The following PAPOLA variants were observed in gnomAD, a reference collection of about 807,000 sequenced individuals.
PAPOLA encodes polynucleotide adenylyltransferase alpha.
PAPOLA carries 15 observed loss-of-function variants against 100.6 expected under a neutral mutation model. The observed-to-expected ratio is 0.15, with a 90% CI of 0.10 to 0.23. The LOEUF (loss-of-function observed/expected upper bound fraction) is 0.23. Ranked by LOEUF, PAPOLA falls within the 10% of genes least tolerant of loss-of-function variation. The pLI is 1.00. For synonymous variants in PAPOLA, 293 were observed against 300.0 expected (o/e 0.98, Z 0.24); for missense variants, 533 against 884.2 (o/e 0.60, Z 5.04).
At chr14:96,560,355 C>A in intron 19 of PAPOLA, 10 of 195,966 alleles carry the variant, frequency 5.1e-5, no homozygotes, top group Non-Finnish European at 7.0e-5. Flanking sequence ...TTTTTTTTTT[C>A]TTTTCCTTAC....
Position 96,556,243 on chromosome 14 carries a change from G to T in PAPOLA, c.1834G>T (p.Val612Phe), listed in dbSNP as rs1901314674. 6 of 1,613,744 alleles carry T rather than the reference G, an allele frequency of 3.7e-6. No individual in the cohort carries two copies. Among genetic ancestry groups the T allele is most frequent in the Middle Eastern group, 1.6e-4 (1 of 6,084 alleles). The change falls in exon 19 of 22, where the codon GTC (valine) becomes TTC (phenylalanine). Residue 612 changes from valine to phenylalanine, a missense_variant. Val to Phe is a conservative substitution (Grantham distance 50). Transcript: ENST00000216277. ...CATTTCTCCACCACCAAAGCCTACG[G>T]TCTCCAGAGTTGTTTCTTCAACACG... ...PAISPPPKPT[V>F]SRVVSSTRLV... is the part of the protein sequence containing the mutation.
chr14:96,514,452 A>T (rs990738103), intron 1 of PAPOLA, among the ~76,000 whole-genome samples: 1 of 151,996 alleles, frequency 6.6e-6, no homozygotes, highest in Non-Finnish European at 1.5e-5. Flanking sequence ...AAGTGCTGGG[A>T]TTGCAGGCGT....
intron 1 of PAPOLA, among the ~76,000 whole-genome samples, chr14:96,519,215 C>T (rs1457471321): frequency 2.0e-5 from 3 of 151,862 alleles, no homozygotes. Context: ...GGGGTGAGCC[C>T]ACACCTGGCC....
At chr14:96,539,025 G>A (rs2140298022) in intron 12 of PAPOLA, among the ~76,000 whole-genome samples, 1 of 152,132 alleles carries the variant, frequency 6.6e-6, no homozygotes, top group South Asian at 2.1e-4. Flanking sequence ...ACTTATCAGT[G>A]TTCCTCAAGA....
intron 1 of PAPOLA, among the ~76,000 whole-genome samples, chr14:96,505,927 C>T (rs1462049059): frequency 6.6e-6 from 1 of 152,004 alleles, no homozygotes. Flanking sequence ...CCGTTCTTGA[C>T]GGAGTCTTGC....
chr14:96,520,600 C>G (rs1247288901), intron 2 of PAPOLA, among the ~76,000 whole-genome samples: 1 of 152,130 alleles, frequency 6.6e-6, no homozygotes, highest in Non-Finnish European at 1.5e-5. Flanking sequence ...TGGTCTCGAA[C>G]TCCTGAGCCT....
At chr14:96,534,801 A>C (rs1313984759) in intron 10 of PAPOLA, 2 of 1,271,936 alleles carry the variant, frequency 1.6e-6, no homozygotes, top group Non-Finnish European at 2.0e-6. Flanking sequence ...AGATTTTACT[A>C]ACATTTTAAT....
At chr14:96,531,944 T>C (rs1364312716) in intron 7 of PAPOLA, 4 of 1,272,732 alleles carry the variant, frequency 3.1e-6, no homozygotes, top group African/African-American at 1.5e-5. Flanking sequence ...AAGGACTACT[T>C]TGGTACAATT....
At chr14:96,553,177 C>G (rs940029671) in intron 17 of PAPOLA, 6 of 152,466 alleles carry the variant, frequency 3.9e-5, no homozygotes, top group African/African-American at 1.2e-4. Flanking sequence ...TTCTGAGTAG[C>G]TGAGACTACA....
chr14:96,561,829 T>G (rs1230598294), intron 20 of PAPOLA, among the ~76,000 whole-genome samples: 3 of 103,002 alleles, frequency 2.9e-5, no homozygotes, highest in Non-Finnish European at 6.6e-5. Context: ...CAATATTTCG[T>G]TTTTTTTTTT....
chr14:96,544,189 A>G lies in PAPOLA; in HGVS notation c.1330A>G (p.Lys444Glu). 1 of 1,608,784 alleles carries G rather than the reference A, an allele frequency of 6.2e-7. No individual in the cohort carries two copies. The highest frequency in any genetic ancestry group is 8.5e-7 in the Non-Finnish European group (1 of 1,175,354). Reference sequence around the variant, plus strand: ...GATGTGGGTGATTGGGTTAGTGTTTAAAAAAACAGAAAACTCTGAAAACCT... The same window carrying G: ...GATGTGGGTGATTGGGTTAGTGTTTGAAAAAACAGAAAACTCTGAAAACCT... ...RTMWVIGLVF[K>E]KTENSENLSV... Residue 444 changes from lysine to glutamate, a missense_variant, in exon 15 of 22, where the codon AAA becomes GAA. Physicochemically the swap from Lys to Glu is moderately conservative, Grantham distance 56. This residue lies in a region of PAPOLA where 19 missense variants were observed against 18.7 expected (regional missense o/e 1.01). Transcript: ENST00000216277.
At chr14:96,523,816 G>T (rs538663747) in intron 3 of PAPOLA, among the ~76,000 whole-genome samples, 5 of 152,128 alleles carry the variant, frequency 3.3e-5, no homozygotes, top group African/African-American at 1.2e-4. Flanking sequence ...GGTAGTGCGC[G>T]CCTGTAATCC....
At chr14:96,509,714 C>T (rs1896975837) in intron 1 of PAPOLA, among the ~76,000 whole-genome samples, 1 of 152,136 alleles carries the variant, frequency 6.6e-6, no homozygotes, top group Non-Finnish European at 1.5e-5. Flanking sequence ...ACTGTAGGCA[C>T]TTGTAACACA....
intron 1 of PAPOLA, among the ~76,000 whole-genome samples, chr14:96,515,581 ATAGAG>A (rs1566835859): frequency 6.6e-6 from 1 of 152,346 alleles, no homozygotes; most frequent in Non-Finnish European, 1.5e-5. Flanking sequence ...TTGTATTTTT[ATAGAG>A]TAGAGAGCTT....
intron 1 of PAPOLA, among the ~76,000 whole-genome samples, chr14:96,511,731 T>A (rs1430816856): frequency 1.3e-5 from 2 of 152,250 alleles, no homozygotes; most frequent in Non-Finnish European, 2.9e-5. Flanking sequence ...TATTTAGGAA[T>A]TTGGTACATT....
In PAPOLA at chr14:96,531,528, T is replaced by G. The variant is rs1225937629; in HGVS notation, c.549T>G (p.Asp183Glu). 1 of 1,610,750 alleles carries G rather than the reference T, an allele frequency of 6.2e-7. No individual in the cohort carries two copies. The highest frequency in any genetic ancestry group is 1.1e-5 in the South Asian group (1 of 90,742). ...TGCAGACAATTCCTGAAGATTTGGA[T>G]CTACGAGATGACAGTCTGCTAAAAA... ...LALQTIPEDL[D>E]LRDDSLLKNL... The change falls in exon 7 of 22, where the codon GAT (aspartate) becomes GAG (glutamate). Residue 183 changes from aspartate (D) to glutamate (E), a missense_variant. By Grantham distance (45) the Asp-to-Glu change is conservative (BLOSUM62 2). Coordinates refer to ENST00000216277, the MANE Select transcript of PAPOLA (RefSeq NM_032632.5).
intron 12 of PAPOLA, among the ~76,000 whole-genome samples, chr14:96,538,886 A>G (rs904594429): frequency 6.6e-6 from 1 of 152,074 alleles, no homozygotes; most frequent in Non-Finnish European, 1.5e-5. Flanking sequence ...GCATATCATG[A>G]AATACTGTCA....
chr14:96,551,250 C>T (rs1214682610), intron 16 of PAPOLA, among the ~76,000 whole-genome samples: 1 of 152,114 alleles, frequency 6.6e-6, no homozygotes, highest in African/African-American at 2.4e-5. Flanking sequence ...AGCTGTTTGG[C>T]CACTTAGTGA....
chr14:96,527,587 T>G, intron 5 of PAPOLA, 48 bp downstream of exon 5: 1 of 1,004,488 alleles, frequency 1.0e-6, no homozygotes, highest in Non-Finnish European at 1.6e-6. Context: ...AACATTCATT[T>G]AGTCAGTTGA....
Sources: gnomAD v4.1 joint callset for allele counts (sites outside exome capture counted in the v4.1 genomes callset) on GRCh38, gnomAD v4.1.1 for gene constraint, gnomAD v4.1.1 regional missense constraint, MANE v1.5 for transcripts, NCBI Gene and HGNC (gene_info 2026-07-23, HGNC 2026-07-21) for gene names.